The following TENM1 variants were observed in gnomAD, a reference collection of about 807,000 sequenced individuals.
TENM1 encodes the protein teneurin-1.
A neutral mutation model predicts 174.8 loss-of-function variants in TENM1; 35 were observed. The ratio of observed to expected loss-of-function variants is 0.20; its 90% confidence interval spans 0.15 to 0.27. TENM1 has a LOEUF of 0.27. Among genes scored for constraint, TENM1 ranks in the 10% least tolerant of loss-of-function variants. The pLI is 1.00. For missense variants in TENM1, 1,633 were observed against 2,130.1 expected (o/e 0.77, Z 4.59); for synonymous variants, 781 against 798.7 (o/e 0.98, Z 0.37).
At chrX:124,416,673 T>C (rs997474671) in intron 25 of TENM1, among the ~76,000 whole-genome samples, 1 of 111,704 alleles carries the variant, frequency 9.0e-6, no homozygotes, top group Non-Finnish European at 1.9e-5. Flanking sequence ...TCATCTTACT[T>C]ATCAGGAGTA....
intron 10 of TENM1, among the ~76,000 whole-genome samples, chrX:124,643,807 C>T (rs1206254873): frequency 9.1e-6 from 1 of 109,676 alleles, no homozygotes; most frequent in Non-Finnish European, 1.9e-5. Context: ...CTTTTCTAAA[C>T]TGCTTACAAA....
At chrX:124,521,422 T>C (rs2047847326) in intron 17 of TENM1, among the ~76,000 whole-genome samples, 1 of 112,401 alleles carries the variant, frequency 8.9e-6, no homozygotes, top group Non-Finnish European at 1.9e-5. Context: ...TCTCTGTGCC[T>C]GGATGTAGCA....
At chrX:124,432,390 A>C (rs1232490513) in intron 23 of TENM1, among the ~76,000 whole-genome samples, 2 of 91,950 alleles carry the variant, frequency 2.2e-5, no homozygotes, top group Admixed American at 2.5e-4. Flanking sequence ...TTACACTCCC[A>C]GTTTATTTAT....
At chrX:125,132,294 A>G in the TENM1 span, among the ~76,000 whole-genome samples, 1 of 111,949 alleles carries the variant, frequency 8.9e-6, no homozygotes, top group Non-Finnish European at 1.9e-5. Context: ...TGCAGGATAC[A>G]CTGAGTATGG....
chrX:124,433,944 T>C (rs2060806869), intron 23 of TENM1, among the ~76,000 whole-genome samples: 1 of 112,205 alleles, frequency 8.9e-6, no homozygotes, highest in Non-Finnish European at 1.9e-5. Flanking sequence ...TTATAGTCCA[T>C]GGTGTCTTAG....
Position 124,922,833 on chromosome X carries a change from T to G in TENM1, c.218-26592A>C, listed in dbSNP as rs188518537. Among the ~76,000 whole-genome samples, 497 of 111,391 alleles carry G rather than the reference T, an allele frequency of 4.5e-3. 2 individuals are homozygous for G. The highest frequency in any genetic ancestry group is 0.015 in the African/African-American group (467 of 30,828). ...TAAAGTATTTTATGGTTCTTCTAAG[T>G]TTTTTCCTGTTTACCTTTTCTGGTC... On this transcript the variant is annotated intron_variant, in intron 1 of 31. Transcript: ENST00000422452.
chrX:125,142,260 T>C, the TENM1 span, among the ~76,000 whole-genome samples: 2 of 111,877 alleles, frequency 1.8e-5, no homozygotes, highest in Admixed American at 1.9e-4. Context: ...TTATTTTAAC[T>C]GACATGATTT....
intron 11 of TENM1, among the ~76,000 whole-genome samples, chrX:124,593,082 C>G (rs1411939117): frequency 1.8e-5 from 2 of 111,532 alleles, no homozygotes; most frequent in Non-Finnish European, 3.8e-5. Flanking sequence ...TTGTGGGGGA[C>G]AAGATGAATG....
At chrX:125,116,775 G>A in the TENM1 span, among the ~76,000 whole-genome samples, 1 of 111,992 alleles carries the variant, frequency 8.9e-6, no homozygotes, top group East Asian at 2.8e-4. Flanking sequence ...ACTCTGGGAG[G>A]CCAATGCGGG....
At chrX:125,141,071 G>C in the TENM1 span, among the ~76,000 whole-genome samples, 1 of 112,062 alleles carries the variant, frequency 8.9e-6, no homozygotes, top group African/African-American at 3.2e-5. Flanking sequence ...CAACTGAAGG[G>C]ACCATATTCG....
chrX:124,811,610 T>G (rs1444313177), intron 3 of TENM1, among the ~76,000 whole-genome samples: 1 of 111,401 alleles, frequency 9.0e-6, no homozygotes, highest in Non-Finnish European at 1.9e-5. Flanking sequence ...GTATGGAGAT[T>G]TCTCAAAAAA....
chrX:124,447,879 G>A (rs1035607239), intron 23 of TENM1, among the ~76,000 whole-genome samples: 16 of 111,311 alleles, frequency 1.4e-4, no homozygotes, highest in African/African-American at 5.2e-4. Flanking sequence ...ATTTACCATT[G>A]CCATGTGTAA....
chrX:124,585,065 A>T (rs2049457750), intron 11 of TENM1, among the ~76,000 whole-genome samples: 1 of 110,274 alleles, frequency 9.1e-6, no homozygotes, highest in Non-Finnish European at 1.9e-5. Flanking sequence ...AAAGAGACTT[A>T]GACTCCCACA....
the TENM1 span, among the ~76,000 whole-genome samples, chrX:125,195,667 T>C: frequency 9.0e-6 from 1 of 111,579 alleles, no homozygotes; most frequent in Non-Finnish European, 1.9e-5. Flanking sequence ...ATATCACAAA[T>C]GTACTAGCAG....
At chrX:124,866,730 G>GT (rs1192280288) in intron 3 of TENM1, among the ~76,000 whole-genome samples, 5 of 110,634 alleles carry the variant, frequency 4.5e-5, no homozygotes, top group East Asian at 2.8e-4. Context: ...TGAAACAAAA[G>GT]TTTTTTTAAG....
chrX:124,651,790 C>T (rs1276649317), intron 8 of TENM1, 124 bp downstream of exon 11: 1 of 976,793 alleles, frequency 1.0e-6, no homozygotes, highest in Non-Finnish European at 1.4e-6. Flanking sequence ...AGTAACCTTT[C>T]CTCAATAATG....
intron 1 of TENM1, among the ~76,000 whole-genome samples, chrX:124,928,412 G>A (rs769859979): frequency 2.7e-5 from 3 of 111,579 alleles, no homozygotes; most frequent in East Asian, 2.8e-4. Flanking sequence ...TTGTGAGCTC[G>A]GTCTAATAAA....
the TENM1 span, among the ~76,000 whole-genome samples, chrX:125,109,219 A>G: frequency 2.1e-3 from 238 of 111,970 alleles, no homozygotes; most frequent in Non-Finnish European, 3.8e-3. Flanking sequence ...GCACATACAC[A>G]TACACCTGGA....
chrX:124,699,046 C>T (rs932813230), intron 5 of TENM1, among the ~76,000 whole-genome samples: 1 of 111,973 alleles, frequency 8.9e-6, no homozygotes, highest in Non-Finnish European at 1.9e-5. Context: ...TATTCTTATT[C>T]ACTTCAGAGT....
Sources: allele counts gnomAD v4.1 joint callset (sites outside exome capture counted in the v4.1 genomes callset), GRCh38; gene constraint gnomAD v4.1.1; transcripts MANE v1.5; gene names NCBI Gene and HGNC (gene_info 2026-07-23, HGNC 2026-07-21).